Variants in MMS19 observed in about 807,000 individuals in gnomAD.
MMS19 encodes MMS19 cytosolic iron-sulfur assembly component, also known as MMS19 nucleotide excision repair protein homolog.
In MMS19, 77 loss-of-function variants were observed where a neutral mutation model predicts 129.8. The observed-to-expected ratio is 0.59, with a 90% CI of 0.49 to 0.72. The LOEUF (loss-of-function observed/expected upper bound fraction) is 0.72. Ranked by LOEUF, MMS19 falls within the 30% of genes least tolerant of loss-of-function variation. The pLI is 0.00. For missense variants in MMS19, 1,168 were observed against 1,266.3 expected (o/e 0.92, Z 1.18); for synonymous variants, 491 against 502.8 (o/e 0.98, Z 0.31).
At chr10:97,473,026 A>G (rs1032219992) in intron 8 of MMS19, among the ~76,000 whole-genome samples, 6 of 151,674 alleles carry the variant, frequency 4.0e-5, no homozygotes, top group Non-Finnish European at 8.8e-5. Flanking sequence ...TCCAGCTAGA[A>G]TTCTCTTTTT....
chr10:97,459,221 A>G lies in MMS19; in HGVS notation c.2964+2T>C, dbSNP rs201440186. ...CCAGGGAAGGACACCTGAGGTACTT[A>G]CCACAGGGGTGGGCAGGCGAGTGAG... On this transcript the variant is annotated splice_donor_variant, in intron 29 of 30. Transcript: ENST00000438925. LOFTEE classifies it high-confidence loss of function. The G allele has an allele frequency of 3.5e-5, 57 of 1,610,644 alleles. No homozygotes were observed. Among genetic ancestry groups the G allele is most frequent in the Non-Finnish European group, 4.8e-5 (57 of 1,178,586 alleles).
chr10:97,459,831 C>T (rs2031224223), intron 26 of MMS19, 90 bp from the exon 27 acceptor site: 1 of 1,154,002 alleles, frequency 8.7e-7, no homozygotes, highest in Non-Finnish European at 1.3e-6. Context: ...GCTGAGACAT[C>T]AGCCTACAAA....
rs1299098651 is a variant in MMS19 at position 97,469,065 on chromosome 10, G to A, written c.964C>T (p.Leu322=). 3 of 1,582,480 alleles carry A rather than the reference G, an allele frequency of 1.9e-6. No individual in the cohort carries two copies. The highest frequency in any genetic ancestry group is 2.6e-6 in the Non-Finnish European group (3 of 1,166,064). ...TASERVEAEG[L]AALHSLTACL... is the part of the protein sequence containing the mutation. ...GCAGTCAGGGAGTGGAGGGCCGCCA[G>A]GCCCTCTGCCTCCACCCGCTCACTT... The change falls in exon 12 of 31, where the codon CTG becomes TTG. Residue 322 remains leucine (L), a synonymous_variant. Coordinates refer to ENST00000438925, the MANE Select transcript of MMS19 (RefSeq NM_022362.5).
At chr10:97,481,199 C>T (rs1392844971) in intron 2 of MMS19, among the ~76,000 whole-genome samples, 157 bp from the exon 3 acceptor site, 6 of 152,134 alleles carry the variant, frequency 3.9e-5, no homozygotes, top group Admixed American at 2.0e-4. Context: ...CCTGAGGTAA[C>T]GGCATTACAG....
intron 1 of MMS19, among the ~76,000 whole-genome samples, chr10:97,489,745 A>G (rs1373264426): frequency 2.6e-5 from 4 of 152,220 alleles, no homozygotes; most frequent in Non-Finnish European, 5.9e-5. Context: ...TGACCTTGAT[A>G]GTTTTAAAGA....
chr10:97,497,275 G>A (rs2039975036), intron 1 of MMS19, among the ~76,000 whole-genome samples: 1 of 152,030 alleles, frequency 6.6e-6, no homozygotes. Context: ...CAACAATAGT[G>A]GCATGATTGA....
chr10:97,465,826 G>C lies in MMS19; in HGVS notation c.1735C>G (p.His579Asp), dbSNP rs772661047. The C allele has an allele frequency of 2.5e-6, 4 of 1,613,436 alleles. No individual in the cohort carries two copies. The Admixed American group carries it at 6.7e-5, about 27-fold the overall frequency. ...TTACCTCTGTTCACTTGCCAGAGAT[G>C]CTGCAGCAGCAGAGGCAGTGTCTCC... is the stretch of plus-strand genomic sequence containing the variant. Reference protein sequence around the residue: ...VKETLPLLLQHLWQVNRGNMV... With the variant: ...VKETLPLLLQDLWQVNRGNMV... The change falls in exon 18 of 31, where the codon CAT becomes GAT. Residue 579 changes from histidine to aspartate, a missense_variant. His to Asp is a moderately conservative substitution (Grantham distance 81). Around this residue, in one of 3 missense-constraint regions of MMS19, gnomAD observed 831 missense variants for 910.8 expected, o/e 0.91. Coordinates refer to ENST00000438925, the MANE Select transcript of MMS19 (RefSeq NM_022362.5).
At chr10:97,470,304 C>A in intron 9 of MMS19, 101 bp from the exon 10 acceptor site, 1 of 798,792 alleles carries the variant, frequency 1.3e-6, no homozygotes, top group Admixed American at 2.0e-5. Flanking sequence ...GCAGGTACTA[C>A]ATCAAGGAGC....
intron 25 of MMS19, 70 bp downstream of exon 25, chr10:97,460,625 T>A (rs1253843937): frequency 7.7e-7 from 1 of 1,300,106 alleles, no homozygotes; most frequent in Non-Finnish European, 1.1e-6. Flanking sequence ...ATGGAAGTCC[T>A]TGGGAGGAAT....
chr10:97,486,892 T>TATATATATATATAA (rs1564695284), intron 1 of MMS19, among the ~76,000 whole-genome samples: 1 of 132,194 alleles, frequency 7.6e-6, no homozygotes, highest in African/African-American at 2.7e-5. Context: ...TATATATATA[T>TATATATATATATAA]ATAAAATTAA....
intron 1 of MMS19, among the ~76,000 whole-genome samples, chr10:97,486,868 T>TATATATATATATATATAC: frequency 1.7e-5 from 1 of 58,554 alleles, no homozygotes; most frequent in Admixed American, 2.0e-4. Flanking sequence ...GTGCCATATA[T>TATATATATATATATATAC]ATATATATAT....
chr10:97,482,735 T>TACACACAC (rs1442208641), intron 2 of MMS19, among the ~76,000 whole-genome samples: 64 of 137,862 alleles, frequency 4.6e-4, no homozygotes, highest in African/African-American at 1.6e-3. Flanking sequence ...TGTGTATATA[T>TACACACAC]ATACACACAC....
At chr10:97,460,371 T>C in intron 25 of MMS19, 139 bp from the exon 26 acceptor site, 1 of 760,316 alleles carries the variant, frequency 1.3e-6, no homozygotes, top group South Asian at 1.9e-5. Context: ...TGCTTGAGTC[T>C]AGGAGTCTGG....
chr10:97,479,136 TCCTTCTTGCC>T (rs1395269608), intron 3 of MMS19, among the ~76,000 whole-genome samples: 1 of 152,128 alleles, frequency 6.6e-6, no homozygotes, highest in Admixed American at 6.5e-5. Flanking sequence ...CCTTCTCCCT[TCCTTCTTGCC>T]CCTTCTTGCC....
rs1291369419 is a variant in MMS19, at chr10:97,466,125, C to A, written c.1540G>T (p.Ala514Ser). Residue 514 changes from alanine (A) to serine (S), a missense_variant, in exon 17 of 31, where the codon GCT becomes TCT. Transcript: ENST00000438925. ...VAALEASGTL[A>S]ALYPVAFSSH... ...CTGAAGGCCACAGGGTAGAGAGCAG[C>A]CAGGGTTCCTGATGCTTCCAGTGCT... 6.3e-7 allele frequency: 1 copy of A among 1,588,780 alleles called. No homozygotes were observed. The highest frequency in any genetic ancestry group is 1.8e-5 in the Admixed American group (1 of 54,344).
intron 2 of MMS19, among the ~76,000 whole-genome samples, chr10:97,483,046 C>T (rs1026447223): frequency 2.0e-5 from 3 of 151,978 alleles, no homozygotes; most frequent in African/African-American, 7.3e-5. Context: ...AGGCATGAGC[C>T]ACCGCACCTG....
chr10:97,487,075 A>G (rs2038039294), intron 1 of MMS19, among the ~76,000 whole-genome samples: 1 of 151,470 alleles, frequency 6.6e-6, no homozygotes, highest in Non-Finnish European at 1.5e-5. Flanking sequence ...ATAAAAATAA[A>G]AAACAACCAG....
intron 1 of MMS19, among the ~76,000 whole-genome samples, chr10:97,486,000 G>C (rs1416728198): frequency 6.6e-6 from 1 of 152,184 alleles, no homozygotes; most frequent in Non-Finnish European, 1.5e-5. Flanking sequence ...AATGAAATCA[G>C]TATCTGTAGA....
At chr10:97,469,158 C>A (rs1589633192) in intron 11 of MMS19, 54 bp from the exon 12 acceptor site, 8 of 1,526,108 alleles carry the variant, frequency 5.2e-6, no homozygotes, top group Non-Finnish European at 7.0e-6. Context: ...AGATGAGACC[C>A]CACCAATCCA....
Sources: gnomAD v4.1 joint callset for allele counts (sites outside exome capture counted in the v4.1 genomes callset) on GRCh38, gnomAD v4.1.1 for gene constraint, gnomAD v4.1.1 regional missense constraint, MANE v1.5 for transcripts, NCBI Gene and HGNC (gene_info 2026-07-23, HGNC 2026-07-21) for gene names.